Variants in MACROD2 observed in about 807,000 individuals in gnomAD.
MACROD2 encodes the protein mono-ADP ribosylhydrolase 2.
MACROD2 carries 36 observed loss-of-function variants against 70.4 expected under a neutral mutation model. The ratio of observed to expected loss-of-function variants is 0.51; its 90% CI spans 0.39 to 0.68. The LOEUF is 0.68. Ranked by LOEUF, MACROD2 falls within the 30% of genes least tolerant of loss-of-function variation. MACROD2 has a pLI of 0.00. For synonymous variants in MACROD2, 172 were observed against 178.8 expected (o/e 0.96, Z 0.30); for missense variants, 496 against 538.4 (o/e 0.92, Z 0.78).
In MACROD2 at chr20:16,005,387, C is replaced by T. The variant is rs138481210; in HGVS notation, c.1153+18229C>T. On this transcript the variant is annotated intron_variant, in intron 15 of 17. Coordinates refer to ENST00000684519, the MANE Select transcript of MACROD2 (RefSeq NM_001351661.2). The stretch of plus-strand genomic sequence containing the variant: ...GGGCCTTTAGAGCAACACACATAAG[C>T]TGTTTGCCATATTGAATCAACACCT... 3.9e-4 allele frequency among the ~76,000 whole-genome samples: 60 copies of T among 152,284 alleles called. No individual in the cohort carries two copies. In the East Asian group the frequency reaches 0.011, roughly 27 times the overall value.
intron 3 of MACROD2, among the ~76,000 whole-genome samples, chr20:14,463,450 T>A (rs1308892950): frequency 1.3e-5 from 2 of 151,888 alleles, no homozygotes; most frequent in East Asian, 3.9e-4. Flanking sequence ...GATGATGGGG[T>A]TTTCTAAATA....
intron 3 of MACROD2, among the ~76,000 whole-genome samples, chr20:14,307,150 T>A (rs2122506228): frequency 6.6e-6 from 1 of 152,192 alleles, no homozygotes; most frequent in East Asian, 1.9e-4. Context: ...TACCATAAAT[T>A]TGAAAACTTC....
At chr20:14,454,070 G>T (rs1203450106) in intron 3 of MACROD2, among the ~76,000 whole-genome samples, 1 of 151,902 alleles carries the variant, frequency 6.6e-6, no homozygotes, top group Non-Finnish European at 1.5e-5. Context: ...ACTGAACCTT[G>T]TTCCTCTATA....
chr20:15,499,005 T>C (rs1375320594), intron 7 of MACROD2, among the ~76,000 whole-genome samples: 1 of 152,164 alleles, frequency 6.6e-6, no homozygotes, highest in Non-Finnish European at 1.5e-5. Context: ...TGTAAATATA[T>C]ACATTGATAA....
intron 4 of MACROD2, among the ~76,000 whole-genome samples, chr20:14,604,279 T>A (rs1308844248): frequency 1.3e-5 from 2 of 152,204 alleles, no homozygotes; most frequent in Non-Finnish European, 2.9e-5. Context: ...CAAATTTCAC[T>A]TGAGCCATTG....
intron 3 of MACROD2, among the ~76,000 whole-genome samples, chr20:14,219,073 T>C (rs139939890): frequency 2.0e-5 from 3 of 152,332 alleles, no homozygotes; most frequent in African/African-American, 7.2e-5. Flanking sequence ...TGTTTGGATG[T>C]CTAGGTCTCT....
chr20:14,638,804 G>A (rs189659970), intron 4 of MACROD2, among the ~76,000 whole-genome samples: 1 of 152,002 alleles, frequency 6.6e-6, no homozygotes, highest in Non-Finnish European at 1.5e-5. Context: ...CAAAAAGTTA[G>A]CCAGGGGTGG....
chr20:14,964,341 G>A (rs2074611691), intron 5 of MACROD2, among the ~76,000 whole-genome samples: 1 of 152,130 alleles, frequency 6.6e-6, no homozygotes, highest in Non-Finnish European at 1.5e-5. Flanking sequence ...GGGAGGCCGA[G>A]GAGGGCAGAT....
At chr20:14,775,734 G>T (rs941761249) in intron 5 of MACROD2, among the ~76,000 whole-genome samples, 1 of 151,960 alleles carries the variant, frequency 6.6e-6, no homozygotes, top group Admixed American at 6.6e-5. Context: ...GACCATTCAT[G>T]TAAGTACATA....
At chr20:15,416,989 A>G (rs2046161085) in intron 6 of MACROD2, among the ~76,000 whole-genome samples, 1 of 152,094 alleles carries the variant, frequency 6.6e-6, no homozygotes, top group African/African-American at 2.4e-5. Flanking sequence ...GAAATCATGG[A>G]GGGGATGAAA....
intron 6 of MACROD2, among the ~76,000 whole-genome samples, chr20:15,421,111 C>T (rs1360441280): frequency 6.6e-6 from 1 of 152,080 alleles, no homozygotes; most frequent in Non-Finnish European, 1.5e-5. Flanking sequence ...GGTGCGGTGG[C>T]TCATGCCTAT....
intron 1 of MACROD2, chr20:13,996,417 TGTC>T (rs1241692691): frequency 1.3e-5 from 2 of 158,974 alleles, no homozygotes; most frequent in Non-Finnish European, 2.7e-5. Context: ...ACGAGCGTGT[TGTC>T]CGTGAGGATA....
intron 4 of MACROD2, among the ~76,000 whole-genome samples, chr20:14,538,337 T>C (rs993951316): frequency 5.9e-5 from 9 of 152,154 alleles, no homozygotes; most frequent in African/African-American, 2.2e-4. Context: ...GGCTTGTGAA[T>C]CAAAGGCTGG....
chr20:14,935,674 C>T (rs2074334665), intron 5 of MACROD2, among the ~76,000 whole-genome samples: 1 of 152,118 alleles, frequency 6.6e-6, no homozygotes, highest in Non-Finnish European at 1.5e-5. Context: ...TTCATCACCT[C>T]TTCCTGGGTG....
chr20:15,209,115 G>GTATTTATTTATTTATT (rs56191744), intron 5 of MACROD2, among the ~76,000 whole-genome samples: 214 of 147,178 alleles, frequency 1.5e-3, no homozygotes, highest in African/African-American at 2.3e-3. Flanking sequence ...GGTGGTGGTG[G>GTATTTATTTATTTATT]TATTTATTTA....
At chr20:15,160,611 A>G (rs2145874254) in intron 5 of MACROD2, among the ~76,000 whole-genome samples, 1 of 152,090 alleles carries the variant, frequency 6.6e-6, no homozygotes, top group Admixed American at 6.6e-5. Context: ...ACACGATCCC[A>G]TTTACCTTCA....
intron 3 of MACROD2, among the ~76,000 whole-genome samples, chr20:14,105,321 C>G (rs1019672825): frequency 1.3e-5 from 2 of 152,220 alleles, no homozygotes; most frequent in African/African-American, 4.8e-5. Context: ...CTATGTGGTA[C>G]AGAGAATCTG....
intron 2 of MACROD2, among the ~76,000 whole-genome samples, chr20:14,026,326 C>T (rs1185339114): frequency 6.6e-6 from 1 of 152,132 alleles, no homozygotes; most frequent in Non-Finnish European, 1.5e-5. Flanking sequence ...TTAATCGGGG[C>T]ATTTAGCCTG....
intron 4 of MACROD2, among the ~76,000 whole-genome samples, chr20:14,575,304 T>G (rs2123330637): frequency 6.6e-6 from 1 of 152,296 alleles, no homozygotes; most frequent in South Asian, 2.1e-4. Flanking sequence ...TTTTACAGTT[T>G]TGCAAAACAC....
Sources: gnomAD v4.1 joint callset for allele counts (sites outside exome capture counted in the v4.1 genomes callset) on GRCh38, gnomAD v4.1.1 for gene constraint, MANE v1.5 for transcripts, NCBI Gene and HGNC (gene_info 2026-07-23, HGNC 2026-07-21) for gene names.